Variants in CTDP1 observed in about 807,000 individuals in gnomAD.
CTDP1 encodes CTD phosphatase 1, also known as RNA polymerase II subunit A C-terminal domain phosphatase.
In CTDP1, 47 loss-of-function variants were observed where a neutral mutation model predicts 91.8. The ratio of observed to expected loss-of-function variants is 0.51; its 90% CI spans 0.41 to 0.65. CTDP1 has a LOEUF of 0.65. Among genes scored for constraint, CTDP1 ranks in the 30% least tolerant of loss-of-function variants. CTDP1 has a pLI of 0.00. For synonymous variants in CTDP1, 656 were observed against 598.5 expected (o/e 1.10, Z -1.40); for missense variants, 1,272 against 1,373.7 (o/e 0.93, Z 1.17).
At chr18:79,676,993 A>T (rs907317580), upstream of CTDP1, among the ~76,000 whole-genome samples, 1 of 152,258 alleles carries the variant, frequency 6.6e-6, no homozygotes, top group Non-Finnish European at 1.5e-5. Flanking sequence ...GGATGTCTAC[A>T]TCTGTCTACC....
Position 79,736,508 on chromosome 18 carries a change from G to A in CTDP1, c.2734G>A (p.Gly912Ser). The change falls in exon 12 of 13, where the codon GGC (glycine) becomes AGC (serine). Residue 912 changes from glycine to serine, a missense_variant. Physicochemically the swap from Gly to Ser is moderately conservative, Grantham distance 56 (BLOSUM62 0). Transcript: ENST00000613122. ...GTCCAGCGAGAGGAGCGCGGCAGGGGGCCGGGGGCCCAGGTGAGTGCGGGG... is the reference window on the plus strand; with the variant it reads ...GTCCAGCGAGAGGAGCGCGGCAGGGAGCCGGGGGCCCAGGTGAGTGCGGGG... Reference protein sequence around the residue: ...PASSERSAAGGRGPRGHKRKL... With the variant: ...PASSERSAAGSRGPRGHKRKL... 6.5e-7 allele frequency: 1 copy of A among 1,544,968 alleles called. No individual in the cohort carries two copies. Among genetic ancestry groups the A allele is most frequent in the Non-Finnish European group, 8.7e-7 (1 of 1,144,434 alleles).
chr18:79,726,325 G>A (rs925063663), intron 10 of CTDP1, among the ~76,000 whole-genome samples: 1 of 152,146 alleles, frequency 6.6e-6, no homozygotes, highest in Non-Finnish European at 1.5e-5. Flanking sequence ...TAAAATGTCT[G>A]TATCTTCTAT....
chr18:79,741,634 C>T (rs2086779861), intron 12 of CTDP1, among the ~76,000 whole-genome samples: 1 of 152,222 alleles, frequency 6.6e-6, no homozygotes, highest in East Asian at 1.9e-4. Flanking sequence ...GGCTTAGTTT[C>T]CTGACACGAG....
Position 79,747,546 on chromosome 18 carries a change from G to A in CTDP1, c.2748-6106G>A, listed in dbSNP as rs142527322. Among the ~76,000 whole-genome samples, 186 of 152,330 alleles carry A rather than the reference G, an allele frequency of 1.2e-3. 2 individuals are homozygous for A. Among genetic ancestry groups the A allele is most frequent in the African/African-American group, 4.3e-3 (177 of 41,570 alleles). ...GGTTGGACTGTTGGGTCCCGCTGAC[G>A]TCATCTGGTGGGTTCCTTCCAGGTC... On this transcript the variant is annotated intron_variant, in intron 12 of 12. Coordinates refer to ENST00000613122, the MANE Select transcript of CTDP1 (RefSeq NM_004715.5).
Position 79,680,095 on chromosome 18 carries a change from GC to G in CTDP1, c.150del (p.Val51CysfsTer18). On this transcript the variant is annotated frameshift_variant, in exon 1 of 13. Transcript: ENST00000613122. LOFTEE classifies it high-confidence loss of function. ...GAAVRIGSVL[A>X]VFEAAASAQS... is the part of the protein sequence containing the mutation. ...GGCCGTGCGCATCGGCTCGGTGCTG[GC>G]CGTGTTCGAGGCCGCCGCCTCCGCG... The G allele has an allele frequency of 7.1e-7, 1 of 1,408,608 alleles. No individual in the cohort carries two copies. The highest frequency in any genetic ancestry group is 9.3e-7 in the Non-Finnish European group (1 of 1,080,830). The allele number at this position is 1,408,608 out of a possible 1,614,324, so 87.3% of individuals were successfully genotyped here.
At position 79,720,785 on chromosome 18, in the gene CTDP1, G is replaced by A. The variant is rs570310104; in HGVS notation, c.2417+2769G>A. Among the ~76,000 whole-genome samples, 105 of 152,290 alleles carry A rather than the reference G, an allele frequency of 6.9e-4. No individual in the cohort carries two copies. The South Asian group carries it at 0.012, about 17-fold the overall frequency. On this transcript the variant is annotated intron_variant, in intron 10 of 12. Transcript: ENST00000613122. ...TTTGTTTCTGACGCTGACGACCCACGGTTGTCATCAGGCCTTGAGTCTAGG... is the reference window on the plus strand; with the variant it reads ...TTTGTTTCTGACGCTGACGACCCACAGTTGTCATCAGGCCTTGAGTCTAGG...
At chr18:79,739,347 C>G (rs1387065323) in intron 12 of CTDP1, among the ~76,000 whole-genome samples, 1 of 152,080 alleles carries the variant, frequency 6.6e-6, no homozygotes, top group Non-Finnish European at 1.5e-5. Context: ...GGGTCGGGAC[C>G]CAGAGCTGCT....
In CTDP1 at chr18:79,749,606, C is replaced by T. The variant is rs565648; in HGVS notation, c.2748-4046C>T. 5.1e-3 allele frequency among the ~76,000 whole-genome samples: 777 copies of T among 152,084 alleles called. 5 individuals carry two copies. The highest frequency in any genetic ancestry group is 7.3e-3 in the Non-Finnish European group (498 of 67,948). Reference sequence around the variant, plus strand: ...GCTCTCCTGTTCACAGTCATGACTGCCCCCTCCCCGAGGTCAGCGCCATGC... The same window carrying T: ...GCTCTCCTGTTCACAGTCATGACTGTCCCCTCCCCGAGGTCAGCGCCATGC... On this transcript the variant is annotated intron_variant, in intron 12 of 12. Coordinates refer to ENST00000613122, the MANE Select transcript of CTDP1 (RefSeq NM_004715.5).
At chr18:79,733,740 T>C (rs998957622) in intron 11 of CTDP1, among the ~76,000 whole-genome samples, 1 of 152,194 alleles carries the variant, frequency 6.6e-6, no homozygotes, top group South Asian at 2.1e-4. Context: ...TCCTCTCTCT[T>C]GAAGCCGTCC....
intron 6 of CTDP1, 129 bp from the exon 7 acceptor site, chr18:79,712,843 T>G (rs2122613858): frequency 1.1e-6 from 1 of 941,074 alleles, no homozygotes; most frequent in Non-Finnish European, 1.7e-6. Flanking sequence ...GGGCGGTTGG[T>G]GTCCGTCTGA....
intron 11 of CTDP1, among the ~76,000 whole-genome samples, chr18:79,731,874 TAAGAA>T (rs1219191115): frequency 6.6e-6 from 1 of 152,082 alleles, no homozygotes; most frequent in African/African-American, 2.4e-5. Flanking sequence ...ACATGAGATG[TAAGAA>T]CTCACTAACA....
intron 1 of CTDP1, chr18:79,685,740 C>T (rs2085480856): frequency 6.6e-6 from 1 of 152,194 alleles, no homozygotes; most frequent in Admixed American, 6.5e-5. Context: ...CTCTGAAATT[C>T]TAAATGTGCT....
Position 79,729,045 on chromosome 18 carries a change from G to A in CTDP1, c.2556G>A (p.Glu852=). The stretch of plus-strand genomic sequence containing the variant: ...TGCCGCTGTACACTCTTTGTAAGGA[G>A]GATTTAGAGAGTATGGACAAAGAGG... ...ETMPLYTLCK[E]DLESMDKEVD... is the part of the protein sequence containing the mutation. The change falls in exon 11 of 13, where the codon GAG becomes GAA. Residue 852 remains glutamate, a synonymous_variant. Transcript: ENST00000613122. 6.2e-7 allele frequency: 1 copy of A among 1,613,786 alleles called. No individual in the cohort carries two copies. The highest frequency in any genetic ancestry group is 8.5e-7 in the Non-Finnish European group (1 of 1,180,050).
rs1211200091 is a variant in CTDP1, at chr18:79,715,327, C to T, written c.1867C>T (p.Arg623Cys). The change falls in exon 8 of 13, where the codon CGC (arginine) becomes TGC (cysteine). Residue 623 changes from arginine (R) to cysteine (C), a missense_variant. By Grantham distance (180) the Arg-to-Cys change is radical. Coordinates refer to ENST00000613122, the MANE Select transcript of CTDP1 (RefSeq NM_004715.5). Reference protein sequence around the residue: ...NKEIEEAPDIRKIVPELKSKV... With the variant: ...NKEIEEAPDICKIVPELKSKV... The stretch of plus-strand genomic sequence containing the variant: ...GGAGATCGAGGAGGCGCCGGACATC[C>T]GCAAGATCGTGCCGGAGCTCAAGAG... 17 of 1,608,940 alleles carry T rather than the reference C, an allele frequency of 1.1e-5. No homozygotes were observed. Among genetic ancestry groups the T allele is most frequent in the East Asian group, 4.5e-5 (2 of 44,700 alleles).
chr18:79,683,136 G>A (rs2085409658), intron 1 of CTDP1: 1 of 152,172 alleles, frequency 6.6e-6, no homozygotes, highest in Admixed American at 6.5e-5. Flanking sequence ...CATTGACTCT[G>A]CTCACCAGCC....
At position 79,736,478 on chromosome 18, in the gene CTDP1, C is replaced by T. The variant is rs2086669331; in HGVS notation, c.2704C>T (p.Pro902Ser). ...GTRRERTLGA[P>S]ASSERSAAGG... is the part of the protein sequence containing the mutation. ...CCGCAGGGAGCGGACGCTCGGGGCA[C>T]CTGCGTCCAGCGAGAGGAGCGCGGC... The change falls in exon 12 of 13, where the codon CCT becomes TCT. Residue 902 changes from proline (P) to serine (S), a missense_variant. By Grantham distance (74) the Pro-to-Ser change is moderately conservative. Coordinates refer to ENST00000613122, the MANE Select transcript of CTDP1 (RefSeq NM_004715.5). The T allele has an allele frequency of 3.2e-6, 5 of 1,548,244 alleles. No individual in the cohort carries two copies. Among genetic ancestry groups the T allele is most frequent in the Admixed American group, 2.0e-5 (1 of 50,958 alleles).
intron 11 of CTDP1, among the ~76,000 whole-genome samples, chr18:79,735,205 C>T (rs1004830452): frequency 1.3e-5 from 2 of 152,276 alleles, no homozygotes; most frequent in Admixed American, 6.5e-5. Flanking sequence ...CCTCTGTGGC[C>T]GTTTCTCGTA....
chr18:79,679,079 G>A (rs1451164603), upstream of CTDP1: 15 of 279,632 alleles, frequency 5.4e-5, no homozygotes. Context: ...GGGTTCGCCT[G>A]GGGCCACTGA....
chr18:79,704,949 G>A, intron 5 of CTDP1, 32 bp downstream of exon 5: 4 of 1,611,464 alleles, frequency 2.5e-6, no homozygotes, highest in Non-Finnish European at 3.4e-6. Flanking sequence ...GAGGCCGTGT[G>A]AACAGTGGGT....
Sources: gnomAD v4.1 joint callset for allele counts (sites outside exome capture counted in the v4.1 genomes callset) on GRCh38, gnomAD v4.1.1 for gene constraint, MANE v1.5 for transcripts, NCBI Gene and HGNC (gene_info 2026-07-23, HGNC 2026-07-21) for gene names.